Variants in VNN2 observed in about 807,000 individuals in gnomAD.
VNN2 encodes the protein vanin 2.
VNN2 carries 43 observed loss-of-function variants against 43.0 expected under a neutral mutation model. That is an observed-to-expected ratio of 1.00 (90% CI 0.78 to 1.29). The LOEUF (loss-of-function observed/expected upper bound fraction) is 1.29, where lower values mean the gene tolerates loss of function less well. VNN2 is among the 50% of genes most tolerant of loss of function. VNN2 has a pLI of 0.00. For missense variants in VNN2, 652 were observed against 619.7 expected (o/e 1.05, Z -0.55); for synonymous variants, 230 against 224.3 (o/e 1.03, Z -0.23).
At chr6:132,752,440 C>T (rs1186512070) in intron 4 of VNN2, 21 bp downstream of exon 4, 1 of 1,599,266 alleles carries the variant, frequency 6.3e-7, no homozygotes. Flanking sequence ...TAAGATGAAA[C>T]CTAACCTGGT....
At chr6:132,753,403 A>T (rs1412164113) in intron 3 of VNN2, 2 of 420,476 alleles carry the variant, frequency 4.8e-6, no homozygotes, top group Non-Finnish European at 9.3e-6. Flanking sequence ...ATATTAATAG[A>T]TGCATAATAA....
Position 132,755,928 on chromosome 6 carries a change from G to A in VNN2, c.452C>T (p.Ser151Phe). The A allele has an allele frequency of 1.2e-6, 2 of 1,614,178 alleles. No homozygotes were observed. Among genetic ancestry groups the A allele is most frequent in the South Asian group, 1.1e-5 (1 of 91,086 alleles). The change falls in exon 3 of 7, where the codon TCC becomes TTC. Residue 151 changes from serine (S) to phenylalanine (F), a missense_variant. Transcript: ENST00000326499. The stretch of plus-strand genomic sequence containing the variant: ...AAAGTAGCCATTAGGAGGACATGTG[G>A]AGTCACGGGAATTACATGGCTTTTT... ...GDKKPCNSRD[S>F]TCPPNGYFQY...
chr6:132,752,830 C>A, intron 3 of VNN2, 81 bp from the exon 4 acceptor site: 1 of 1,484,340 alleles, frequency 6.7e-7, no homozygotes, highest in Non-Finnish European at 9.1e-7. Context: ...AAGTTGGTAA[C>A]AGATTTGGCT....
chr6:132,752,339 G>A, intron 4 of VNN2, 122 bp downstream of exon 4: 1 of 1,177,154 alleles, frequency 8.5e-7, no homozygotes, highest in African/African-American at 1.6e-5. Context: ...TTTCTATTGT[G>A]AAACTATGAC....
intron 4 of VNN2, among the ~76,000 whole-genome samples, chr6:132,751,913 T>C (rs952338437): frequency 1.3e-5 from 2 of 152,230 alleles, no homozygotes; most frequent in Non-Finnish European, 2.9e-5. Flanking sequence ...GGTGGGAGGA[T>C]CTAATTCCTT....
upstream of VNN2, among the ~76,000 whole-genome samples, chr6:132,762,536 T>C (rs1780762292): frequency 6.6e-6 from 1 of 152,194 alleles, no homozygotes; most frequent in African/African-American, 2.4e-5. Flanking sequence ...GTATTACATA[T>C]GGCTTTAGTG....
At chr6:132,755,763 G>T in intron 3 of VNN2, 80 bp downstream of exon 3, 1 of 1,367,450 alleles carries the variant, frequency 7.3e-7, no homozygotes, top group Non-Finnish European at 9.9e-7. Context: ...TATCATATAG[G>T]GAATGAAATT....
rs1779595781 is a variant in VNN2 at position 132,744,353 on chromosome 6, G to A, written c.1510C>T (p.Leu504=). 7 of 1,612,624 alleles carry A rather than the reference G, an allele frequency of 4.3e-6. No individual in the cohort carries two copies. In the South Asian group the frequency reaches 5.5e-5, roughly 13 times the overall value. ...ATGATCATTAATAATATGAATATTAGCAGGTAAGTTATTGCTGAATTGCTG... is the reference window on the plus strand; with the variant it reads ...ATGATCATTAATAATATGAATATTAACAGGTAAGTTATTGCTGAATTGCTG... ...GTSNSAITYL[L]IFILLMIIAL... The change falls in exon 7 of 7, where the codon CTA becomes TTA. Residue 504 remains leucine, a synonymous_variant. Transcript: ENST00000326499.
At position 132,752,477 on chromosome 6, in the gene VNN2, G is replaced by A; in HGVS notation, c.810C>T (p.Val270=). The change falls in exon 4 of 7, where the codon GTC becomes GTT. Residue 270 remains valine, a synonymous_variant. Transcript: ENST00000326499. ...VNLLVANTHH[V]SLNMTGSGIY... ...ATGAATTACCTGTCATATTTAGGCT[G>A]ACATGATGTGTGTTGGCCACAAGAA... The A allele has an allele frequency of 6.2e-7, 1 of 1,613,646 alleles. No individual in the cohort carries two copies. The highest frequency in any genetic ancestry group is 8.5e-7 in the Non-Finnish European group (1 of 1,179,792).
intron 5 of VNN2, among the ~76,000 whole-genome samples, chr6:132,750,863 G>A (rs1780029226): frequency 6.6e-6 from 1 of 152,100 alleles, no homozygotes; most frequent in Non-Finnish European, 1.5e-5. Flanking sequence ...CAGTAGGCTG[G>A]TTTATTAGTC....
Position 132,749,804 on chromosome 6 carries a change from G to A in VNN2, c.1262C>T (p.Thr421Ile), listed in dbSNP as rs1363594792. 10 of 1,614,080 alleles carry A rather than the reference G, an allele frequency of 6.2e-6. No homozygotes were observed. Among genetic ancestry groups the A allele is most frequent in the East Asian group, 2.2e-5 (1 of 44,882 alleles). ...GAACATTTCAAATCTTGTAGAAGCA[G>A]TTTCTACTGGCCGTCCACAAGTTGT... ...NLTTCGRPVE[T>I]ASTRFEMFSL... is the part of the protein sequence containing the mutation. Residue 421 changes from threonine to isoleucine, a missense_variant, in exon 6 of 7, where the codon ACT becomes ATT. Thr to Ile is a moderately conservative substitution (Grantham distance 89, BLOSUM62 -1). Transcript: ENST00000326499.
intron 6 of VNN2, among the ~76,000 whole-genome samples, chr6:132,748,668 C>T (rs1779866519): frequency 6.6e-6 from 1 of 152,188 alleles, no homozygotes; most frequent in African/African-American, 2.4e-5. Context: ...CGTGTATGTG[C>T]ATGTGTGCAA....
chr6:132,746,545 C>CTT (rs34509155), intron 6 of VNN2, among the ~76,000 whole-genome samples: 29 of 151,822 alleles, frequency 1.9e-4, no homozygotes, highest in Admixed American at 9.2e-4. Context: ...GGTTATTGGA[C>CTT]TTTTTTTTGG....
intron 3 of VNN2, among the ~76,000 whole-genome samples, chr6:132,754,808 T>G (rs1690442087): frequency 1.3e-5 from 2 of 152,202 alleles, no homozygotes; most frequent in Admixed American, 1.3e-4. Flanking sequence ...TGTGGTTTGA[T>G]AGCAAATTAA....
chr6:132,746,452 T>C (rs1779723528), intron 6 of VNN2, among the ~76,000 whole-genome samples: 1 of 152,212 alleles, frequency 6.6e-6, no homozygotes, highest in Admixed American at 6.5e-5. Flanking sequence ...TTATGACTGC[T>C]GTTTCTAGAA....
At chr6:132,755,443 C>T (rs977534826) in intron 3 of VNN2, among the ~76,000 whole-genome samples, 38 of 145,760 alleles carry the variant, frequency 2.6e-4, no homozygotes, top group Non-Finnish European at 2.2e-4. Context: ...GACACAATCT[C>T]GGCTCACTGC....
chr6:132,746,331 G>C (rs1399145424), intron 6 of VNN2, among the ~76,000 whole-genome samples: 1 of 152,192 alleles, frequency 6.6e-6, no homozygotes, highest in Non-Finnish European at 1.5e-5. Context: ...GATCCTCTAA[G>C]ATAACGTGTA....
chr6:132,747,573 C>T (rs1779795268), intron 6 of VNN2, among the ~76,000 whole-genome samples: 1 of 152,078 alleles, frequency 6.6e-6, no homozygotes, highest in South Asian at 2.1e-4. Context: ...GCTGAGATTG[C>T]ACCACTGCAC....
At position 132,744,433 on chromosome 6, in the gene VNN2, A is replaced by T; in HGVS notation, c.1430T>A (p.Val477Glu). ...TGTGTACCACCTCCCAAAGAGTGACACTGTTAGTATAGGCCCAGATGATCC... is the reference window on the plus strand; with the variant it reads ...TGTGTACCACCTCCCAAAGAGTGACTCTGTTAGTATAGGCCCAGATGATCC... ...KNGSSGPILT[V>E]SLFGRWYTKD... Residue 477 changes from valine to glutamate, a missense_variant, in exon 7 of 7, where the codon GTG becomes GAG. By Grantham distance (121) the Val-to-Glu change is moderately radical. Coordinates refer to ENST00000326499, the MANE Select transcript of VNN2 (RefSeq NM_004665.6). 1.2e-6 allele frequency: 2 copies of T among 1,613,668 alleles called. No homozygotes were observed. Among genetic ancestry groups the T allele is most frequent in the Non-Finnish European group, 1.7e-6 (2 of 1,179,828 alleles).
Sources: gnomAD v4.1 joint callset for allele counts (sites outside exome capture counted in the v4.1 genomes callset) on GRCh38, gnomAD v4.1.1 for gene constraint, MANE v1.5 for transcripts, NCBI Gene and HGNC (gene_info 2026-07-23, HGNC 2026-07-21) for gene names.